The following ROR1 variants were observed in gnomAD, a reference collection of about 807,000 sequenced individuals.
The protein encoded by ROR1 is inactive tyrosine-protein kinase transmembrane receptor ROR1.
Under a neutral mutation model 78.8 loss-of-function variants are expected in ROR1, and 19 were observed. The observed-to-expected ratio is 0.24, with a 90% CI of 0.17 to 0.35. The LOEUF (loss-of-function observed/expected upper bound fraction) is 0.35. Ranked by LOEUF, ROR1 falls within the 10% of genes least tolerant of loss-of-function variation. The pLI, the probability that ROR1 is intolerant of heterozygous loss-of-function variation, is 1.00. For synonymous variants in ROR1, 386 were observed against 433.6 expected (o/e 0.89, Z 1.36); for missense variants, 917 against 1,177.8 (o/e 0.78, Z 3.24).
chr1:63,790,256 C>T (rs1644717535), intron 1 of ROR1, among the ~76,000 whole-genome samples: 1 of 152,194 alleles, frequency 6.6e-6, no homozygotes. Flanking sequence ...TGAATGGATT[C>T]TGCTTTTACT....
intron 4 of ROR1, among the ~76,000 whole-genome samples, chr1:64,127,757 G>C (rs1030800297): frequency 6.6e-6 from 1 of 152,170 alleles, no homozygotes; most frequent in African/African-American, 2.4e-5. Flanking sequence ...GTAGGAAGAA[G>C]AAATGAAGAG....
At chr1:64,158,216 A>G (rs1649831766) in intron 7 of ROR1, among the ~76,000 whole-genome samples, 1 of 152,188 alleles carries the variant, frequency 6.6e-6, no homozygotes, top group Non-Finnish European at 1.5e-5. Context: ...AAGTGTTAGC[A>G]CTCATAATTA....
chr1:63,835,647 G>T (rs1246996825), intron 1 of ROR1, among the ~76,000 whole-genome samples: 3 of 152,172 alleles, frequency 2.0e-5, no homozygotes, highest in Admixed American at 2.0e-4. Context: ...AAGCACTATG[G>T]GTAGAAACAA....
At chr1:64,086,764 C>A (rs1376726988) in intron 4 of ROR1, among the ~76,000 whole-genome samples, 1 of 152,090 alleles carries the variant, frequency 6.6e-6, no homozygotes, top group Non-Finnish European at 1.5e-5. Context: ...TTACTGTGAT[C>A]TTAAGATCAT....
At chr1:63,889,690 A>G (rs1569865812) in intron 1 of ROR1, among the ~76,000 whole-genome samples, 1 of 152,148 alleles carries the variant, frequency 6.6e-6, no homozygotes, top group Non-Finnish European at 1.5e-5. Context: ...CAGATTCATG[A>G]TGGAAGTTCA....
chr1:64,137,522 T>A (rs756171390), intron 5 of ROR1, 26 bp downstream of exon 5: 42 of 1,601,830 alleles, frequency 2.6e-5, no homozygotes, highest in Non-Finnish European at 3.5e-5. Context: ...GAAATTATAT[T>A]TGTCCCTTGA....
intron 1 of ROR1, among the ~76,000 whole-genome samples, chr1:63,778,918 A>T (rs747697999): frequency 2.0e-5 from 3 of 152,222 alleles, no homozygotes; most frequent in African/African-American, 7.2e-5. Flanking sequence ...TACAATTTAT[A>T]TTCTTTTAAT....
intron 1 of ROR1, among the ~76,000 whole-genome samples, chr1:63,957,903 C>T (rs1309704655): frequency 6.6e-6 from 1 of 152,002 alleles, no homozygotes; most frequent in Non-Finnish European, 1.5e-5. Flanking sequence ...CCACCACACC[C>T]AGCTAATTTT....
intron 1 of ROR1, among the ~76,000 whole-genome samples, chr1:63,807,499 T>A (rs1413025365): frequency 6.6e-6 from 1 of 152,246 alleles, no homozygotes; most frequent in African/African-American, 2.4e-5. Context: ...GCATCTCATC[T>A]AAGATGTGTC....
chr1:64,132,349 G>A (rs1376382178), intron 4 of ROR1, among the ~76,000 whole-genome samples: 2 of 152,122 alleles, frequency 1.3e-5, no homozygotes, highest in Non-Finnish European at 2.9e-5. Context: ...ATTGTGAATA[G>A]TGCTGCTCTG....
chr1:64,138,326 C>T (rs754013554), intron 5 of ROR1, among the ~76,000 whole-genome samples: 5 of 152,056 alleles, frequency 3.3e-5, no homozygotes, highest in African/African-American at 7.2e-5. Flanking sequence ...AGATAAACAA[C>T]GAATAATTTT....
At chr1:64,145,580 C>T (rs1035404900) in intron 7 of ROR1, among the ~76,000 whole-genome samples, 1 of 152,116 alleles carries the variant, frequency 6.6e-6, no homozygotes. Flanking sequence ...TCTTGCAGAG[C>T]CATTGTTGAT....
chr1:63,830,396 T>C (rs1644980342), intron 1 of ROR1, among the ~76,000 whole-genome samples: 1 of 152,162 alleles, frequency 6.6e-6, no homozygotes, highest in Non-Finnish European at 1.5e-5. Context: ...GACTTCTGCA[T>C]GGCTGGGGGG....
At chr1:63,995,685 G>A (rs1337358835) in intron 1 of ROR1, among the ~76,000 whole-genome samples, 1 of 152,126 alleles carries the variant, frequency 6.6e-6, no homozygotes, top group East Asian at 1.9e-4. Context: ...GTTCTCATCT[G>A]TAAATGGACA....
chr1:63,815,399 AT>A (rs1340995840), intron 1 of ROR1, among the ~76,000 whole-genome samples: 2 of 149,782 alleles, frequency 1.3e-5, no homozygotes. Context: ...GTGGACTATA[AT>A]TTTGTATTAA....
intron 1 of ROR1, among the ~76,000 whole-genome samples, chr1:63,952,212 G>A (rs963434599): frequency 4.6e-5 from 7 of 152,190 alleles, no homozygotes; most frequent in Admixed American, 3.3e-4. Flanking sequence ...GGAGGTGAGA[G>A]AGTGGGCCAT....
intron 2 of ROR1, among the ~76,000 whole-genome samples, chr1:64,014,564 A>T (rs1402089773): frequency 6.7e-6 from 1 of 148,718 alleles, no homozygotes; most frequent in Admixed American, 6.8e-5. Context: ...GAGGTTTCAG[A>T]GGTTCTCTAT....
At chr1:63,816,160 CA>C (rs1644891210) in intron 1 of ROR1, among the ~76,000 whole-genome samples, 2 of 152,194 alleles carry the variant, frequency 1.3e-5, no homozygotes, top group Non-Finnish European at 2.9e-5. Flanking sequence ...AAACCAGTTC[CA>C]TCACTAGAGA....
intron 1 of ROR1, among the ~76,000 whole-genome samples, chr1:63,986,826 G>A (rs1313275860): frequency 6.6e-6 from 1 of 151,830 alleles, no homozygotes; most frequent in Non-Finnish European, 1.5e-5. Flanking sequence ...GAGCCCAGGA[G>A]GTCATGGCGG....
Sources: allele counts gnomAD v4.1 joint callset (sites outside exome capture counted in the v4.1 genomes callset), GRCh38; gene constraint gnomAD v4.1.1; transcripts MANE v1.5; gene names NCBI Gene and HGNC (gene_info 2026-07-23, HGNC 2026-07-21).